Variants in GNB4 observed in about 807,000 individuals in gnomAD.
GNB4 encodes G protein subunit beta 4.
In GNB4, 28 loss-of-function variants were observed where a neutral mutation model predicts 45.2. That is an observed-to-expected ratio of 0.62 (90% CI 0.46 to 0.85). The LOEUF (loss-of-function observed/expected upper bound fraction) is 0.85. Among genes scored for constraint, GNB4 ranks in the 40% least tolerant of loss-of-function variants. GNB4 has a pLI of 0.00. For missense variants in GNB4, 321 were observed against 425.4 expected (o/e 0.75, Z 2.16); for synonymous variants, 132 against 143.7 (o/e 0.92, Z 0.58).
At chr3:179,442,700 C>G in intron 1 of GNB4, among the ~76,000 whole-genome samples, 1 of 151,946 alleles carries the variant, frequency 6.6e-6, no homozygotes, top group Non-Finnish European at 1.5e-5. Context: ...TCCTTGCTCA[C>G]CACTGCAGCC....
the GNB4 span, among the ~76,000 whole-genome samples, chr3:179,475,153 T>A: frequency 1.3e-5 from 2 of 152,078 alleles, no homozygotes; most frequent in Admixed American, 1.3e-4. Context: ...AGAGTCTTGC[T>A]CTGTCCCAGG....
At chr3:179,466,411 G>A in the GNB4 span, among the ~76,000 whole-genome samples, 1 of 152,190 alleles carries the variant, frequency 6.6e-6, no homozygotes, top group Non-Finnish European at 1.5e-5. Flanking sequence ...TTGGCTTTGG[G>A]CTAAGCAGAA....
At chr3:179,430,543 C>A (rs1369846973) in intron 1 of GNB4, among the ~76,000 whole-genome samples, 1 of 152,134 alleles carries the variant, frequency 6.6e-6, no homozygotes, top group Non-Finnish European at 1.5e-5. Flanking sequence ...ACCTCAAACT[C>A]CTGAGCTCAC....
At chr3:179,405,715 GA>G in intron 8 of GNB4, 1 of 243,152 alleles carries the variant, frequency 4.1e-6, no homozygotes, top group Non-Finnish European at 7.9e-6. Flanking sequence ...AATATTTATA[GA>G]ATATATATGT....
the GNB4 span, among the ~76,000 whole-genome samples, chr3:179,527,163 G>A: frequency 5.3e-5 from 8 of 152,292 alleles, no homozygotes; most frequent in South Asian, 1.4e-3. Flanking sequence ...TGGAGGGGAA[G>A]GGGGAGGGAA....
At chr3:179,420,963 A>G in intron 2 of GNB4, 36 bp from the exon 3 acceptor site, 1 of 1,241,886 alleles carries the variant, frequency 8.1e-7, no homozygotes, top group Non-Finnish European at 1.2e-6. Context: ...TGCATTTAGC[A>G]ACCTGTGGAA....
chr3:179,422,831 C>T (rs1043578614), intron 2 of GNB4, among the ~76,000 whole-genome samples: 6 of 152,164 alleles, frequency 3.9e-5, no homozygotes, highest in South Asian at 4.1e-4. Context: ...CTTGCTCTGT[C>T]GCCCAGGCTG....
chr3:179,428,886 A>G (rs944208371), intron 1 of GNB4, among the ~76,000 whole-genome samples: 2 of 152,206 alleles, frequency 1.3e-5, no homozygotes, highest in African/African-American at 2.4e-5. Context: ...GTTACCTGTA[A>G]TAAGAGTTAC....
chr3:179,496,332 G>A, the GNB4 span, among the ~76,000 whole-genome samples: 1 of 151,808 alleles, frequency 6.6e-6, no homozygotes, highest in Admixed American at 6.6e-5. Context: ...AGACATAAAG[G>A]GAATGAAATC....
the GNB4 span, among the ~76,000 whole-genome samples, chr3:179,479,853 G>A: frequency 1.6e-4 from 24 of 152,326 alleles, no homozygotes; most frequent in African/African-American, 5.5e-4. Context: ...TCAGGTCATA[G>A]AATTACAGAA....
the GNB4 span, among the ~76,000 whole-genome samples, chr3:179,481,491 A>G: frequency 6.6e-6 from 1 of 151,990 alleles, no homozygotes. Flanking sequence ...TTCTTTTATA[A>G]AAAACTTTTG....
chr3:179,487,520 C>A, the GNB4 span, among the ~76,000 whole-genome samples: 1 of 152,042 alleles, frequency 6.6e-6, no homozygotes, highest in African/African-American at 2.4e-5. Flanking sequence ...CACTTTAGAT[C>A]CAACAACTGA....
chr3:179,397,703 ATTAAAG>A lies in GNB4; in HGVS notation c.*3504_*3509del, dbSNP rs1189197849. Reference sequence around the variant, plus strand: ...TAGCTGCCAAAAATGAGGCCTGTCCATTAAAGTGGAGGAGATATCCTTGCTGATGGC... The same window carrying A: ...TAGCTGCCAAAAATGAGGCCTGTCCATGGAGGAGATATCCTTGCTGATGGC... On this transcript the variant is annotated 3_prime_UTR_variant, in exon 10 of 10. Coordinates refer to ENST00000232564, the MANE Select transcript of GNB4 (RefSeq NM_021629.4). 1 of 152,648 alleles carries A rather than the reference ATTAAAG, an allele frequency of 6.6e-6. No homozygotes were observed. The highest frequency in any genetic ancestry group is 1.5e-5 in the Non-Finnish European group (1 of 68,048). 9.5% of individuals were successfully genotyped at this position (152,648 alleles called of 1,614,324 possible).
chr3:179,484,576 G>A, the GNB4 span, among the ~76,000 whole-genome samples: 168 of 146,002 alleles, frequency 1.2e-3, no homozygotes, highest in Non-Finnish European at 2.0e-3. Context: ...ATGTCCCTTT[G>A]CCATCTGTAT....
the GNB4 span, among the ~76,000 whole-genome samples, chr3:179,496,979 A>G: frequency 6.6e-6 from 1 of 152,154 alleles, no homozygotes; most frequent in African/African-American, 2.4e-5. Context: ...ACATTAGACT[A>G]GAAGGACCTA....
At chr3:179,476,977 C>T in the GNB4 span, among the ~76,000 whole-genome samples, 1 of 151,988 alleles carries the variant, frequency 6.6e-6, no homozygotes, top group Non-Finnish European at 1.5e-5. Context: ...GAGTACAGAC[C>T]CAAGGTGGCT....
At chr3:179,510,974 C>T in the GNB4 span, among the ~76,000 whole-genome samples, 1 of 152,160 alleles carries the variant, frequency 6.6e-6, no homozygotes, top group Non-Finnish European at 1.5e-5. Context: ...TAGCAGCCTC[C>T]AACTCCATGC....
At chr3:179,419,658 T>C (rs1714920018) in intron 3 of GNB4, among the ~76,000 whole-genome samples, 153 bp from the exon 4 acceptor site, 2 of 152,232 alleles carry the variant, frequency 1.3e-5, no homozygotes, top group Admixed American at 6.5e-5. Context: ...AGAGCCGTTA[T>C]GGGATCAATA....
chr3:179,421,545 T>C (rs1044635189), intron 2 of GNB4, among the ~76,000 whole-genome samples: 18 of 152,348 alleles, frequency 1.2e-4, no homozygotes, highest in Middle Eastern at 6.8e-3. Flanking sequence ...ACAAAGGTTA[T>C]AGTAGTATCC....
Sources: allele counts gnomAD v4.1 joint callset (sites outside exome capture counted in the v4.1 genomes callset), GRCh38; gene constraint gnomAD v4.1.1; transcripts MANE v1.5; gene names NCBI Gene and HGNC (gene_info 2026-07-23, HGNC 2026-07-21).